The following GIPC2 variants were observed in gnomAD, a reference collection of about 807,000 sequenced individuals.
The protein encoded by GIPC2 is PDZ domain-containing protein GIPC2.
Under a neutral mutation model 30.6 loss-of-function variants are expected in GIPC2, and 30 were observed. That is an observed-to-expected ratio of 0.98 (90% CI 0.73 to 1.33). The LOEUF (loss-of-function observed/expected upper bound fraction) is 1.33. Ranked by LOEUF, GIPC2 falls within the 40% of genes most tolerant of loss-of-function variation. The pLI is 0.00. For missense variants in GIPC2, 414 were observed against 390.3 expected, an observed-to-expected ratio of 1.06 and a Z score of -0.51; for synonymous variants, 167 against 150.0, an observed-to-expected ratio of 1.11 and a Z score of -0.83.
At chr1:78,073,918 A>G (rs113743336) in intron 1 of GIPC2, among the ~76,000 whole-genome samples, 3 of 152,368 alleles carry the variant, frequency 2.0e-5, no homozygotes, top group Non-Finnish European at 4.4e-5. Context: ...TTGAGTTTCA[A>G]TGATGAATAA....
intron 3 of GIPC2, among the ~76,000 whole-genome samples, chr1:78,114,281 A>ATCCGGGG (rs1452210358): frequency 6.6e-6 from 1 of 152,190 alleles, no homozygotes; most frequent in African/African-American, 2.4e-5. Context: ...CCTTGTGCAG[A>ATCCGGGG]TCCGTTCATG....
At chr1:78,072,330 T>C (rs1008306615) in intron 1 of GIPC2, among the ~76,000 whole-genome samples, 1 of 152,228 alleles carries the variant, frequency 6.6e-6, no homozygotes, top group Admixed American at 6.5e-5. Flanking sequence ...CCAAACTGTG[T>C]ACAAATAAGA....
chr1:78,092,007 T>A, intron 2 of GIPC2: 1 of 1,502,184 alleles, frequency 6.7e-7, no homozygotes, highest in South Asian at 1.1e-5. Context: ...ATTTTGTCCA[T>A]AAGTGCTTCA....
intron 3 of GIPC2, among the ~76,000 whole-genome samples, chr1:78,098,695 T>TTGTAGATAGGGGCTTTAAAGA (rs1662186336): frequency 6.6e-6 from 1 of 151,614 alleles, no homozygotes; most frequent in African/African-American, 2.4e-5. Context: ...GCAACTGGAT[T>TTGTAGATAGGGGCTTTAAAGA]TGTAGATAGG....
intron 1 of GIPC2, 40 bp downstream of exon 1, chr1:78,046,374 G>C (rs368018968): frequency 7.0e-7 from 1 of 1,431,796 alleles, no homozygotes; most frequent in Non-Finnish European, 9.6e-7. Context: ...CCTCTCCGCC[G>C]CGCCGCGCCG....
At chr1:78,052,325 T>C (rs1051258316) in intron 1 of GIPC2, among the ~76,000 whole-genome samples, 1 of 152,204 alleles carries the variant, frequency 6.6e-6, no homozygotes, top group Non-Finnish European at 1.5e-5. Flanking sequence ...CTTGCCCCAA[T>C]AGAAGCTCCA....
In GIPC2 at chr1:78,137,567, T is replaced by C. The variant is rs1000828089; in HGVS notation, c.*1824T>C. The stretch of plus-strand genomic sequence containing the variant: ...CATTTTCACAATGATCTTTCTAGAA[T>C]TTGTGTGTAAGGTTGTGATATCCAT... On this transcript the variant is annotated 3_prime_UTR_variant, in exon 6 of 6. Transcript: ENST00000370759. The C allele has an allele frequency of 2.0e-5, 3 of 152,184 alleles. No homozygotes were observed. Among genetic ancestry groups the C allele is most frequent in the African/African-American group, 7.2e-5 (3 of 41,456 alleles). 9.4% of individuals were successfully genotyped at this position (152,184 alleles called of 1,614,324 possible).
Position 78,080,767 on chromosome 1 carries a change from G to A in GIPC2, c.333G>A (p.Val111=), listed in dbSNP as rs866236379. ...TAGAAGATTTCATATTTGCCCATGT[G>A]AAAGGAATCGAAAAAGAAGTGAATG... ...LGLEDFIFAH[V]KGIEKEVNVY... Residue 111 remains valine, a synonymous_variant, in exon 2 of 6, where the codon GTG becomes GTA. Transcript: ENST00000370759. 1.9e-6 allele frequency: 3 copies of A among 1,608,810 alleles called. No homozygotes were observed. Among genetic ancestry groups the A allele is most frequent in the Non-Finnish European group, 2.6e-6 (3 of 1,175,228 alleles).
intron 3 of GIPC2, among the ~76,000 whole-genome samples, chr1:78,104,473 C>T (rs547713627): frequency 9.9e-5 from 15 of 152,122 alleles, no homozygotes; most frequent in African/African-American, 3.6e-4. Flanking sequence ...GGGAATTAAG[C>T]CCAGGAGACC....
chr1:78,128,837 AC>A (rs1459366387), intron 5 of GIPC2, among the ~76,000 whole-genome samples: 1 of 151,872 alleles, frequency 6.6e-6, no homozygotes, highest in Non-Finnish European at 1.5e-5. Context: ...AAAAACAAAA[AC>A]AAAACAAAAC....
intron 1 of GIPC2, among the ~76,000 whole-genome samples, chr1:78,048,731 T>C (rs972279225): frequency 1.3e-5 from 2 of 152,146 alleles, no homozygotes; most frequent in South Asian, 2.1e-4. Flanking sequence ...CTTTTTTTTT[T>C]CCTCCCATGA....
intron 4 of GIPC2, 45 bp downstream of exon 4, chr1:78,119,544 G>A (rs1662640831): frequency 6.7e-6 from 8 of 1,201,694 alleles, no homozygotes; most frequent in Non-Finnish European, 9.8e-6. Context: ...GAAATGTTGA[G>A]TTAGATAAAA....
chr1:78,136,764 A>AG lies in GIPC2; in HGVS notation c.*1021_*1022insG, dbSNP rs752207497. On this transcript the variant is annotated 3_prime_UTR_variant, in exon 6 of 6. Coordinates refer to ENST00000370759, the MANE Select transcript of GIPC2 (RefSeq NM_017655.6). ...TAGTCTATTATTTTAGAGTTCTAATACACTCTAAATTAAAGAGAAAATTGA... is the reference window on the plus strand; with the variant it reads ...TAGTCTATTATTTTAGAGTTCTAATAGCACTCTAAATTAAAGAGAAAATTGA... 6.6e-6 allele frequency: 1 copy of AG among 152,046 alleles called. No homozygotes were observed. Among genetic ancestry groups the AG allele is most frequent in the Non-Finnish European group, 1.5e-5 (1 of 67,970 alleles). 9.4% of individuals were successfully genotyped at this position (152,046 alleles called of 1,614,324 possible). A position where few individuals can be genotyped will look rare whatever the true frequency, so the allele number is the denominator to read the frequency against.
At chr1:78,095,431 G>A (rs1662120738) in intron 3 of GIPC2, among the ~76,000 whole-genome samples, 1 of 152,156 alleles carries the variant, frequency 6.6e-6, no homozygotes, top group African/African-American at 2.4e-5. Flanking sequence ...ACAGCACATT[G>A]TATTGTTTTC....
chr1:78,101,526 G>A lies in GIPC2; in HGVS notation c.607+6394G>A, dbSNP rs150422148. ...GTATATTTATGGGTCATGATATAAC[G>A]TATGTATTTTTTACTGTGGGTCACA... On this transcript the variant is annotated intron_variant, in intron 3 of 5. Coordinates refer to ENST00000370759, the MANE Select transcript of GIPC2 (RefSeq NM_017655.6). 2.1e-3 allele frequency among the ~76,000 whole-genome samples: 314 copies of A among 152,218 alleles called. 5 individuals carry two copies. Among genetic ancestry groups the A allele is most frequent in the African/African-American group, 6.8e-3 (282 of 41,534 alleles).
At chr1:78,087,888 T>G (rs1185587094) in intron 2 of GIPC2, among the ~76,000 whole-genome samples, 1 of 151,982 alleles carries the variant, frequency 6.6e-6, no homozygotes, top group Non-Finnish European at 1.5e-5. Flanking sequence ...ATATCCAGCA[T>G]CTTTAAGGAA....
chr1:78,077,914 C>T (rs921006808), intron 1 of GIPC2, among the ~76,000 whole-genome samples: 41 of 152,190 alleles, frequency 2.7e-4, no homozygotes, highest in Middle Eastern at 3.4e-3. Flanking sequence ...CACGGCCGGG[C>T]GCGGTGGCTC....
At position 78,125,943 on chromosome 1, in the gene GIPC2, A is replaced by G. The variant is rs769507073; in HGVS notation, c.777A>G (p.Gly259=). 12 of 1,545,270 alleles carry G rather than the reference A, an allele frequency of 7.8e-6. No homozygotes were observed. The South Asian group carries it at 1.1e-4, about 14-fold the overall frequency. ...ATGATGTTCTTGAGTTGTACATGGGAATTCGAGATATTGATTTAGGTAAGA... is the reference window on the plus strand; with the variant it reads ...ATGATGTTCTTGAGTTGTACATGGGGATTCGAGATATTGATTTAGGTAAGA... The part of the protein sequence containing the change: ...KIDDVLELYM[G]IRDIDLATTM... The change falls in exon 5 of 6, where the codon GGA becomes GGG. Residue 259 remains glycine (G), a synonymous_variant. Transcript: ENST00000370759.
At chr1:78,047,736 G>A (rs2102631202) in intron 1 of GIPC2, among the ~76,000 whole-genome samples, 1 of 152,242 alleles carries the variant, frequency 6.6e-6, no homozygotes, top group South Asian at 2.1e-4. Flanking sequence ...GAAGAGTGGA[G>A]TCCGTATGTA....
Sources: gnomAD v4.1 joint callset for allele counts (sites outside exome capture counted in the v4.1 genomes callset) on GRCh38, gnomAD v4.1.1 for gene constraint, MANE v1.5 for transcripts, NCBI Gene and HGNC (gene_info 2026-07-23, HGNC 2026-07-21) for gene names.